CHODL: variants seen among roughly 807,000 people sequenced by gnomAD.
The protein encoded by CHODL is transmembrane protein MT75.
In CHODL, 29 loss-of-function variants were observed where a neutral mutation model predicts 34.5. That is an observed-to-expected ratio of 0.84 (90% confidence interval 0.63 to 1.15). The LOEUF (loss-of-function observed/expected upper bound fraction) is 1.15, where lower values mean the gene tolerates loss of function less well. Among genes scored for constraint, CHODL ranks in the 50% most tolerant of loss-of-function variants. The pLI is 0.00. For synonymous variants in CHODL, 125 were observed against 116.1 expected (o/e 1.08, Z -0.49); for missense variants, 332 against 332.5 (o/e 1.00, Z 0.01).
chr21:17,936,071 AT>A (rs34725799), intron 1 of CHODL, among the ~76,000 whole-genome samples: 119,248 of 152,190 alleles, frequency 0.78, 47,559 homozygotes, highest in East Asian at 0.98. Context: ...CTGACAACTC[AT>A]TATCATATCG....
chr21:18,162,279 C>G (rs2073104076), intron 2 of CHODL, among the ~76,000 whole-genome samples: 1 of 152,002 alleles, frequency 6.6e-6, no homozygotes, highest in East Asian at 1.9e-4. Context: ...AGAGACAGTT[C>G]CTTCTGAGGG....
chr21:18,067,631 T>C (rs2064747445), intron 2 of CHODL, among the ~76,000 whole-genome samples: 1 of 152,224 alleles, frequency 6.6e-6, no homozygotes, highest in Admixed American at 6.5e-5. Context: ...TTCTTCTGTT[T>C]AAGCCACTCA....
chr21:18,181,683 C>G (rs573476054), intron 2 of CHODL, among the ~76,000 whole-genome samples: 14 of 152,316 alleles, frequency 9.2e-5, no homozygotes, highest in African/African-American at 3.1e-4. Context: ...AGCCACCGCG[C>G]CCAGCCAAGA....
chr21:17,938,882 A>AT (rs140872942), intron 1 of CHODL, among the ~76,000 whole-genome samples: 11,212 of 151,736 alleles, frequency 0.074, 1,160 homozygotes, highest in African/African-American at 0.23. Flanking sequence ...CCTCTGCTGG[A>AT]TTTTTTTTCG....
intron 2 of CHODL, among the ~76,000 whole-genome samples, chr21:18,174,710 C>T (rs1410746460): frequency 6.6e-6 from 1 of 152,126 alleles, no homozygotes; most frequent in East Asian, 1.9e-4. Flanking sequence ...CACTCACTTT[C>T]TAACCTGGCA....
chr21:18,062,078 G>A (rs1461269934), intron 2 of CHODL, among the ~76,000 whole-genome samples: 1 of 152,138 alleles, frequency 6.6e-6, no homozygotes, highest in Non-Finnish European at 1.5e-5. Flanking sequence ...CAACAGATAG[G>A]AGAATAGGAG....
At chr21:18,194,176 A>G (rs773268799) in intron 2 of CHODL, among the ~76,000 whole-genome samples, 1 of 152,168 alleles carries the variant, frequency 6.6e-6, no homozygotes, top group African/African-American at 2.4e-5. Context: ...TCTGTAAAGA[A>G]ACTGTGAAAA....
At chr21:18,094,979 C>G (rs928833673) in intron 2 of CHODL, among the ~76,000 whole-genome samples, 1 of 151,836 alleles carries the variant, frequency 6.6e-6, no homozygotes, top group Non-Finnish European at 1.5e-5. Context: ...AAAAAATTAG[C>G]TGGGTGTGGT....
intron 2 of CHODL, among the ~76,000 whole-genome samples, chr21:18,045,730 T>C (rs2064434446): frequency 6.6e-6 from 1 of 151,868 alleles, no homozygotes; most frequent in Non-Finnish European, 1.5e-5. Flanking sequence ...CTTTGGGAGG[T>C]AATTAGGTCA....
chr21:18,232,949 ATATATATATATATATATATATATG>A (rs2073995307), intron 2 of CHODL, among the ~76,000 whole-genome samples: 3 of 137,546 alleles, frequency 2.2e-5, no homozygotes, highest in East Asian at 4.0e-4. Context: ...TATGATATAT[ATATATATATATATATATATATATG>A]TATATATATG....
At chr21:18,111,928 AG>A (rs2065356080) in intron 2 of CHODL, among the ~76,000 whole-genome samples, 1 of 152,202 alleles carries the variant, frequency 6.6e-6, no homozygotes, top group African/African-American at 2.4e-5. Flanking sequence ...CACTCAGCAA[AG>A]GTCTCTCCTA....
intron 2 of CHODL, among the ~76,000 whole-genome samples, chr21:18,071,388 G>A (rs894518086): frequency 5.3e-5 from 8 of 151,794 alleles, no homozygotes; most frequent in South Asian, 4.2e-4. Flanking sequence ...CTCATGATCC[G>A]CCCACCTCAG....
intron 1 of CHODL, among the ~76,000 whole-genome samples, chr21:18,249,850 G>T (rs549009211): frequency 1.3e-5 from 2 of 152,246 alleles, no homozygotes; most frequent in East Asian, 3.9e-4. Context: ...ACACAGTTAT[G>T]CAGATTGTGC....
chr21:18,256,391 G>A, intron 1 of CHODL, 118 bp from the exon 2 acceptor site: 3 of 981,306 alleles, frequency 3.1e-6, no homozygotes, highest in Non-Finnish European at 4.4e-6. Context: ...AATTCAGTGG[G>A]AGAAGCATTT....
chr21:18,260,252 A>T lies in CHODL; in HGVS notation c.600A>T (p.Gly200=). Reference sequence around the variant, plus strand: ...AGCCTTATCTTACAAATCAACCAGGAGACACCCATCAGAATGTGGTTGTTA... The same window carrying T: ...AGCCTTATCTTACAAATCAACCAGGTGACACCCATCAGAATGTGGTTGTTA... ...VEKPYLTNQP[G]DTHQNVVVTE... Residue 200 remains glycine, a synonymous_variant, in exon 4 of 6, where the codon GGA becomes GGT. Coordinates refer to ENST00000299295, the MANE Select transcript of CHODL (RefSeq NM_024944.3). 1.3e-6 allele frequency: 2 copies of T among 1,585,962 alleles called. No individual in the cohort carries two copies. The highest frequency in any genetic ancestry group is 1.7e-6 in the Non-Finnish European group (2 of 1,168,814).
chr21:18,118,814 T>G (rs1025174419), intron 2 of CHODL, among the ~76,000 whole-genome samples: 1 of 152,218 alleles, frequency 6.6e-6, no homozygotes. Flanking sequence ...TACCATACTT[T>G]AAATACAAAA....
chr21:18,075,603 G>A (rs931205390), intron 2 of CHODL, among the ~76,000 whole-genome samples: 14 of 152,112 alleles, frequency 9.2e-5, no homozygotes, highest in African/African-American at 3.1e-4. Flanking sequence ...AAGAATATAC[G>A]GAAAACTGGT....
At chr21:18,128,258 G>A (rs1322916727) in intron 2 of CHODL, among the ~76,000 whole-genome samples, 77 of 121,992 alleles carry the variant, frequency 6.3e-4, no homozygotes, top group Non-Finnish European at 1.6e-4. Flanking sequence ...CCCAGATCGC[G>A]CCACTGCACT....
At chr21:18,156,446 T>C (rs1436658443) in intron 2 of CHODL, among the ~76,000 whole-genome samples, 1 of 152,164 alleles carries the variant, frequency 6.6e-6, no homozygotes, top group Non-Finnish European at 1.5e-5. Context: ...ATAGTTATCA[T>C]TTGTCAATTA....
Sources: allele counts gnomAD v4.1 joint callset (sites outside exome capture counted in the v4.1 genomes callset), GRCh38; gene constraint gnomAD v4.1.1; transcripts MANE v1.5; gene names NCBI Gene and HGNC (gene_info 2026-07-23, HGNC 2026-07-21).